ZBTB20: variants seen among roughly 807,000 people sequenced by gnomAD.
ZBTB20 encodes zinc finger and BTB domain containing 20, also known as zinc finger and BTB domain-containing protein 20.
Under a neutral mutation model 56.9 loss-of-function variants are expected in ZBTB20, and 9 were observed. That is an observed-to-expected ratio of 0.16 (90% CI 0.10 to 0.28). ZBTB20 has a LOEUF of 0.28. Among genes scored for constraint, ZBTB20 ranks in the 10% least tolerant of loss-of-function variants. The pLI, the probability that ZBTB20 is intolerant of heterozygous loss-of-function variation, is 1.00. For synonymous variants in ZBTB20, 417 were observed against 420.7 expected, an observed-to-expected ratio of 0.99 and a Z score of 0.11; for missense variants, 655 against 1,003.0, an observed-to-expected ratio of 0.65 and a Z score of 4.69.
chr3:114,324,237 T>C lies in ZBTB20; in HGVS notation c.*14768A>G, dbSNP rs1218987563. On this transcript the variant is annotated 3_prime_UTR_variant, in exon 12 of 12. Coordinates refer to ENST00000675478, the MANE Select transcript of ZBTB20 (RefSeq NM_001348800.3). ...AGCTATTTAATGTAAAGGTCAGTAG[T>C]GGTTTTTACTTAATAGTTTTCATCA... 6.6e-6 allele frequency: 1 copy of C among 152,210 alleles called. No homozygotes were observed. Among genetic ancestry groups the C allele is most frequent in the Non-Finnish European group, 1.5e-5 (1 of 68,030 alleles). 9.4% of individuals were successfully genotyped at this position (152,210 alleles called of 1,614,324 possible).
rs543509145 is a variant in ZBTB20 at position 114,540,863 on chromosome 3, G to A, written c.-294-40472C>T. The stretch of plus-strand genomic sequence containing the variant: ...ATTAAGCAATTCCTTTAGTTTTTAT[G>A]TCAATTCCTTTTATCCTTGTATCCC... On this transcript the variant is annotated intron_variant, in intron 6 of 11. Transcript: ENST00000675478. Among the ~76,000 whole-genome samples, 3 of 152,108 alleles carry A rather than the reference G, an allele frequency of 2.0e-5. No homozygotes were observed. In the South Asian group the frequency reaches 6.2e-4, roughly 32 times the overall value.
intron 4 of ZBTB20, among the ~76,000 whole-genome samples, chr3:114,860,418 C>A (rs571622813): frequency 1.1e-4 from 16 of 152,172 alleles, no homozygotes; most frequent in African/African-American, 3.6e-4. Context: ...GTATATCAAA[C>A]ACTGTGGCTT....
intron 5 of ZBTB20, among the ~76,000 whole-genome samples, chr3:114,746,029 C>G (rs966330991): frequency 3.3e-5 from 5 of 152,132 alleles, no homozygotes; most frequent in African/African-American, 4.8e-5. Context: ...CATCTCCCTG[C>G]CCCTTGTTCT....
At chr3:114,891,113 A>G (rs553694013) in intron 4 of ZBTB20, among the ~76,000 whole-genome samples, 2 of 152,238 alleles carry the variant, frequency 1.3e-5, no homozygotes, top group East Asian at 3.9e-4. Flanking sequence ...ATTACATGAA[A>G]CTTCCAACAA....
intron 6 of ZBTB20, among the ~76,000 whole-genome samples, chr3:114,621,345 T>C (rs1047343970): frequency 3.9e-5 from 6 of 152,218 alleles, no homozygotes; most frequent in African/African-American, 1.4e-4. Context: ...ACCAAAACAT[T>C]TGACTGAAAT....
At position 114,338,932 on chromosome 3, in the gene ZBTB20, G is replaced by A. The variant is rs2079558172; in HGVS notation, c.*73C>T. On this transcript the variant is annotated 3_prime_UTR_variant, in exon 12 of 12. Coordinates refer to ENST00000675478, the MANE Select transcript of ZBTB20 (RefSeq NM_001348800.3). ...ACCAAAACATTTCTTAAATTCTAGT[G>A]CCATAGCTTTTTTGTTTGTTTGTTT... The A allele has an allele frequency of 7.0e-7, 1 of 1,428,808 alleles. No homozygotes were observed. Among genetic ancestry groups the A allele is most frequent in the Non-Finnish European group, 9.3e-7 (1 of 1,074,680 alleles). 88.5% of individuals were successfully genotyped at this position (1,428,808 alleles called of 1,614,324 possible).
At chr3:114,633,097 T>C (rs946255230) in intron 6 of ZBTB20, among the ~76,000 whole-genome samples, 3 of 152,210 alleles carry the variant, frequency 2.0e-5, no homozygotes, top group African/African-American at 7.2e-5. Context: ...TTTCAAGATT[T>C]GTAAAAAGAA....
At chr3:114,600,191 C>T (rs932440728) in intron 6 of ZBTB20, among the ~76,000 whole-genome samples, 2 of 151,986 alleles carry the variant, frequency 1.3e-5, no homozygotes, top group African/African-American at 4.8e-5. Flanking sequence ...ATAGGCTTAA[C>T]TTCTGTTGTC....
intron 3 of ZBTB20, among the ~76,000 whole-genome samples, chr3:114,948,443 T>C (rs1372425968): frequency 6.8e-6 from 1 of 146,244 alleles, no homozygotes; most frequent in East Asian, 1.9e-4. Flanking sequence ...AAAACACTTA[T>C]AAATTAAAGT....
In ZBTB20 at chr3:114,843,557, T is replaced by C. The variant is rs533244393; in HGVS notation, c.-416-42383A>G. Reference sequence around the variant, plus strand: ...TACACGTATACATATATTTTACAGATGGTGTTTCACTATGTTGCCCAGGTT... The same window carrying C: ...TACACGTATACATATATTTTACAGACGGTGTTTCACTATGTTGCCCAGGTT... On this transcript the variant is annotated intron_variant, in intron 4 of 11. Coordinates refer to ENST00000675478, the MANE Select transcript of ZBTB20 (RefSeq NM_001348800.3). Among the ~76,000 whole-genome samples, 4 of 152,316 alleles carry C rather than the reference T, an allele frequency of 2.6e-5. No individual in the cohort carries two copies. The South Asian group carries it at 8.3e-4, about 32-fold the overall frequency.
chr3:114,483,552 G>A (rs1007876909), intron 7 of ZBTB20, among the ~76,000 whole-genome samples: 4 of 151,830 alleles, frequency 2.6e-5, no homozygotes, highest in Admixed American at 6.6e-5. Context: ...ATAAGCATAC[G>A]GCCTGAATCC....
At chr3:114,573,847 A>T (rs1465920695) in intron 6 of ZBTB20, among the ~76,000 whole-genome samples, 1 of 152,138 alleles carries the variant, frequency 6.6e-6, no homozygotes, top group African/African-American at 2.4e-5. Flanking sequence ...TGCTTGCTTA[A>T]AACTTTTATT....
rs988902017 is a variant in ZBTB20, at chr3:114,943,966, A to C, written c.-456+30400T>G. Among the ~76,000 whole-genome samples, 6 of 145,186 alleles carry C rather than the reference A, an allele frequency of 4.1e-5. 1 individual carries two copies. Among genetic ancestry groups the C allele is most frequent in the African/African-American group, 1.7e-4 (6 of 35,574 alleles). On this transcript the variant is annotated intron_variant, in intron 3 of 11. Transcript: ENST00000675478. ...TATTTAAAAATAAACAATAATCAAA[A>C]AGGCAATCTCAAAATAGCCAGAAAA...
At chr3:115,001,571 G>T (rs1268220377) in intron 2 of ZBTB20, among the ~76,000 whole-genome samples, 1 of 150,800 alleles carries the variant, frequency 6.6e-6, no homozygotes, top group Non-Finnish European at 1.5e-5. Context: ...GGCATTAAAG[G>T]TATACAAAAT....
intron 4 of ZBTB20, among the ~76,000 whole-genome samples, chr3:114,846,533 A>G (rs2074715163): frequency 6.6e-6 from 1 of 152,212 alleles, no homozygotes; most frequent in Admixed American, 6.5e-5. Flanking sequence ...CAAACAGGCA[A>G]AATTGCTTGG....
At chr3:114,520,597 A>G (rs971417633) in intron 6 of ZBTB20, among the ~76,000 whole-genome samples, 2 of 152,148 alleles carry the variant, frequency 1.3e-5, no homozygotes, top group African/African-American at 4.8e-5. Flanking sequence ...CTTGATATTC[A>G]GGTCTGTATC....
chr3:114,627,906 G>A (rs770505016), intron 6 of ZBTB20, among the ~76,000 whole-genome samples: 3 of 152,110 alleles, frequency 2.0e-5, no homozygotes, highest in Non-Finnish European at 2.9e-5. Flanking sequence ...AGTAGAGGAC[G>A]GCAGTAGCAT....
intron 4 of ZBTB20, among the ~76,000 whole-genome samples, chr3:114,828,049 A>C (rs762742351): frequency 2.8e-4 from 43 of 151,850 alleles, no homozygotes; most frequent in Middle Eastern, 3.4e-3. Flanking sequence ...TTAACTGATA[A>C]ATCTATTTTT....
At chr3:114,590,443 A>G (rs2055633351) in intron 6 of ZBTB20, among the ~76,000 whole-genome samples, 1 of 151,908 alleles carries the variant, frequency 6.6e-6, no homozygotes, top group Non-Finnish European at 1.5e-5. Context: ...TGGGCGAAAG[A>G]CTGAGACTCC....
Sources: gnomAD v4.1 joint callset for allele counts (sites outside exome capture counted in the v4.1 genomes callset) on GRCh38, gnomAD v4.1.1 for gene constraint, MANE v1.5 for transcripts, NCBI Gene and HGNC (gene_info 2026-07-23, HGNC 2026-07-21) for gene names.